Variants in PACRG observed in about 807,000 individuals in gnomAD.
PACRG encodes the protein parkin coregulated gene protein.
Under a neutral mutation model 29.7 loss-of-function variants are expected in PACRG, and 29 were observed. The ratio of observed to expected loss-of-function variants is 0.98; its 90% CI spans 0.73 to 1.33. PACRG has a LOEUF of 1.33. Ranked by LOEUF, PACRG falls within the 40% of genes most tolerant of loss-of-function variation. The probability of loss-of-function intolerance (pLI) is 0.00; values close to 1 mark genes in which losing one functional copy is unlikely to be tolerated. For missense variants in PACRG, 279 were observed against 316.2 expected (o/e 0.88, Z 0.89); for synonymous variants, 116 against 118.7 (o/e 0.98, Z 0.15).
At chr6:163,123,420 G>A (rs1006956408) in intron 4 of PACRG, among the ~76,000 whole-genome samples, 1 of 152,190 alleles carries the variant, frequency 6.6e-6, no homozygotes, top group African/African-American at 2.4e-5. Flanking sequence ...CTTTCTGTTA[G>A]AAAGGAAATG....
At chr6:163,062,520 A>G (rs1165037211) in intron 3 of PACRG, among the ~76,000 whole-genome samples, 199 bp downstream of exon 3, 3 of 152,244 alleles carry the variant, frequency 2.0e-5, no homozygotes, top group Non-Finnish European at 2.9e-5. Flanking sequence ...GCTTAGCCAC[A>G]TAAATAAACC....
At chr6:163,123,302 C>G (rs902421726) in intron 4 of PACRG, among the ~76,000 whole-genome samples, 3 of 151,710 alleles carry the variant, frequency 2.0e-5, no homozygotes, top group Admixed American at 6.6e-5. Context: ...GCAGCCATGA[C>G]AGCTGTGGTG....
At chr6:163,191,937 C>T (rs1165328468) in intron 4 of PACRG, 5 of 357,990 alleles carry the variant, frequency 1.4e-5, no homozygotes, top group Non-Finnish European at 2.2e-5. Context: ...GTCCCATCCC[C>T]TCCCGAACTG....
chr6:163,008,269 C>G (rs1256974870), intron 2 of PACRG, among the ~76,000 whole-genome samples: 2 of 152,110 alleles, frequency 1.3e-5, no homozygotes, highest in Admixed American at 1.3e-4. Flanking sequence ...ACAGGGACTT[C>G]TGTGAGACAC....
intron 2 of PACRG, among the ~76,000 whole-genome samples, chr6:162,864,342 A>G (rs538370044): frequency 2.6e-5 from 4 of 152,312 alleles, no homozygotes; most frequent in African/African-American, 9.6e-5. Context: ...GAGTTGGAAA[A>G]ATAACTCTAG....
intron 2 of PACRG, among the ~76,000 whole-genome samples, chr6:162,897,911 T>C (rs951955969): frequency 5.9e-5 from 9 of 152,112 alleles, no homozygotes; most frequent in African/African-American, 2.2e-4. Context: ...CATGCTGCAA[T>C]GGGGGAGTCC....
intron 2 of PACRG, among the ~76,000 whole-genome samples, chr6:162,950,919 A>G (rs1799600759): frequency 6.6e-6 from 1 of 152,230 alleles, no homozygotes; most frequent in East Asian, 1.9e-4. Flanking sequence ...AAGTGAACAA[A>G]GATTGGGGAC....
chr6:162,951,684 G>T (rs77706729), intron 2 of PACRG, among the ~76,000 whole-genome samples: 2 of 152,110 alleles, frequency 1.3e-5, no homozygotes, highest in African/African-American at 4.8e-5. Context: ...TTTCAGCTGG[G>T]GGCATACTTT....
chr6:163,027,298 T>A (rs1807222684), intron 2 of PACRG, among the ~76,000 whole-genome samples: 1 of 152,192 alleles, frequency 6.6e-6, no homozygotes, highest in African/African-American at 2.4e-5. Flanking sequence ...TGCTCTTGAT[T>A]TTTTCATCTT....
At position 163,160,136 on chromosome 6, in the gene PACRG, G is replaced by C. The variant is rs1367256295; in HGVS notation, c.613+70728G>C. 2.6e-5 allele frequency among the ~76,000 whole-genome samples: 4 copies of C among 152,346 alleles called. No homozygotes were observed. The East Asian group carries it at 7.7e-4, about 29-fold the overall frequency. ...TGGGTCTGTCCTCTGTCAAGTCCAA[G>C]ACATGGATTCATTGTCATCTCTTAT... On this transcript the variant is annotated intron_variant, in intron 4 of 4. Coordinates refer to ENST00000366888, the MANE Select transcript of PACRG (RefSeq NM_001080379.2).
intron 4 of PACRG, among the ~76,000 whole-genome samples, chr6:163,150,267 C>T (rs1362023092): frequency 6.6e-6 from 1 of 152,180 alleles, no homozygotes; most frequent in Non-Finnish European, 1.5e-5. Flanking sequence ...AGTACGTTAT[C>T]ATAAATCATG....
At chr6:163,058,545 G>C (rs1327513677) in intron 2 of PACRG, among the ~76,000 whole-genome samples, 1 of 151,852 alleles carries the variant, frequency 6.6e-6, no homozygotes, top group South Asian at 2.1e-4. Flanking sequence ...GGCCGAGGTG[G>C]GTGGATCACC....
In PACRG at chr6:162,856,963, A is replaced by G. The variant is rs866525519; in HGVS notation, c.291+42682A>G. Among the ~76,000 whole-genome samples the G allele has an allele frequency of 2.6e-4, 40 of 152,298 alleles. No individual in the cohort carries two copies. The Middle Eastern group carries it at 0.014, about 52-fold the overall frequency. ...TAGACAATAACAGAAGGAAAAGTAG[A>G]GTTGCCAGTAGGTGGCTCACTATGA... On this transcript the variant is annotated intron_variant, in intron 2 of 4. Coordinates refer to ENST00000366888, the MANE Select transcript of PACRG (RefSeq NM_001080379.2).
chr6:163,133,441 G>A (rs1816813318), intron 4 of PACRG, among the ~76,000 whole-genome samples: 1 of 152,184 alleles, frequency 6.6e-6, no homozygotes, highest in Non-Finnish European at 1.5e-5. Context: ...TAATCCCCAA[G>A]CAAAAGAAGT....
chr6:163,185,633 G>A (rs1446312788), intron 4 of PACRG, among the ~76,000 whole-genome samples: 7 of 152,186 alleles, frequency 4.6e-5, no homozygotes, highest in Admixed American at 4.6e-4. Context: ...GAGATAAGAT[G>A]CTGGAGGAAA....
intron 2 of PACRG, among the ~76,000 whole-genome samples, chr6:163,004,731 T>TACACAC (rs1391766486): frequency 7.0e-6 from 1 of 143,706 alleles, no homozygotes; most frequent in African/African-American, 2.8e-5. Flanking sequence ...TGTGTGTATA[T>TACACAC]ATATATACAC....
chr6:162,783,139 A>G (rs934319641), intron 1 of PACRG, among the ~76,000 whole-genome samples: 3 of 151,956 alleles, frequency 2.0e-5, no homozygotes, highest in African/African-American at 7.2e-5. Context: ...ATTTGATAAC[A>G]TGAAATGAAT....
At chr6:162,748,213 CG>C (rs1253726949) in intron 1 of PACRG, among the ~76,000 whole-genome samples, 1 of 151,928 alleles carries the variant, frequency 6.6e-6, no homozygotes, top group Non-Finnish European at 1.5e-5. Flanking sequence ...TATTCAGGGC[CG>C]GGGCTGTGGC....
intron 2 of PACRG, among the ~76,000 whole-genome samples, chr6:162,863,805 T>C (rs945829224): frequency 5.3e-5 from 8 of 152,232 alleles, no homozygotes; most frequent in Admixed American, 2.0e-4. Flanking sequence ...AAACCAAGAT[T>C]TGAATATAGG....
Sources: gnomAD v4.1 joint callset for allele counts (sites outside exome capture counted in the v4.1 genomes callset) on GRCh38, gnomAD v4.1.1 for gene constraint, MANE v1.5 for transcripts, NCBI Gene and HGNC (gene_info 2026-07-23, HGNC 2026-07-21) for gene names.